Variants in PTPRF observed in about 807,000 individuals in gnomAD.
The protein encoded by PTPRF is protein tyrosine phosphatase receptor type F, also known as receptor-type tyrosine-protein phosphatase F.
A neutral mutation model predicts 201.8 loss-of-function variants in PTPRF; 59 were observed. The ratio of observed to expected loss-of-function variants is 0.29; its 90% CI spans 0.24 to 0.36. The LOEUF (loss-of-function observed/expected upper bound fraction) is 0.36, where lower values mean the gene tolerates loss of function less well. PTPRF is among the 10% of genes least tolerant of loss of function. The pLI, the probability that PTPRF is intolerant of heterozygous loss-of-function variation, is 1.00. For synonymous variants in PTPRF, 1,088 were observed against 1,089.7 expected (o/e 1.00, Z 0.03); for missense variants, 2,132 against 2,690.5 (o/e 0.79, Z 4.59).
intron 5 of PTPRF, among the ~76,000 whole-genome samples, chr1:43,567,551 C>G (rs1033836598): frequency 2.0e-5 from 3 of 152,308 alleles, no homozygotes; most frequent in African/African-American, 7.2e-5. Context: ...GACCTCTGCT[C>G]CTCATGGGCC....
chr1:43,566,374 A>G (rs1570039257), intron 5 of PTPRF, among the ~76,000 whole-genome samples: 1 of 152,230 alleles, frequency 6.6e-6, no homozygotes, highest in Admixed American at 6.5e-5. Flanking sequence ...CCTGGAACCT[A>G]GTAAATGCTT....
Position 43,578,867 on chromosome 1 carries a change from C to T in PTPRF, c.626C>T (p.Ala209Val), listed in dbSNP as rs757899600. The T allele has an allele frequency of 4.3e-6, 7 of 1,614,068 alleles. No homozygotes were observed. Among genetic ancestry groups the T allele is most frequent in the Middle Eastern group, 1.6e-4 (1 of 6,080 alleles). Residue 209 changes from alanine (A) to valine (V), a missense_variant, in exon 7 of 34, where the codon GCG becomes GTG. Coordinates refer to ENST00000359947, the MANE Select transcript of PTPRF (RefSeq NM_002840.5). ...GACCAAGGCAAGTACGAGTGTGTGG[C>T]GACCAACTCGGCAGGCACACGTTAC... ...ESDQGKYECV[A>V]TNSAGTRYSA... is the part of the protein sequence containing the mutation.
Position 43,620,884 on chromosome 1 carries a change from C to G in PTPRF, c.5411C>G (p.Pro1804Arg). 1 of 1,614,156 alleles carries G rather than the reference C, an allele frequency of 6.2e-7. No homozygotes were observed. The highest frequency in any genetic ancestry group is 8.5e-7 in the Non-Finnish European group (1 of 1,179,984). ...CGGCAGTTCCAGTTCACAGACTGGCCAGAGCAGGGCGTGCCCAAGACAGGC... is the reference window on the plus strand; with the variant it reads ...CGGCAGTTCCAGTTCACAGACTGGCGAGAGCAGGGCGTGCCCAAGACAGGC... ...TIRQFQFTDWPEQGVPKTGEG... is the reference protein window; with the variant it reads ...TIRQFQFTDWREQGVPKTGEG... The change falls in exon 32 of 34, where the codon CCA (proline) becomes CGA (arginine). Residue 1804 changes from proline (P) to arginine (R), a missense_variant. Coordinates refer to ENST00000359947, the MANE Select transcript of PTPRF (RefSeq NM_002840.5).
rs181280083 is a variant in PTPRF, at chr1:43,544,580, G to A, written c.-45-451G>A. On this transcript the variant is annotated intron_variant, in intron 2 of 33. Coordinates refer to ENST00000359947, the MANE Select transcript of PTPRF (RefSeq NM_002840.5). ...ACCAGGGAGACTCCAGAGTCAGTTG[G>A]CTTTGCCCCTCACTGCTCCTTGTCA... Among the ~76,000 whole-genome samples the A allele has an allele frequency of 8.5e-5, 13 of 152,322 alleles. No homozygotes were observed. The East Asian group carries it at 9.6e-4, about 11-fold the overall frequency.
Position 43,598,044 on chromosome 1 carries a change from G to A in PTPRF, c.2110G>A (p.Asp704Asn), listed in dbSNP as rs766035780. Residue 704 changes from aspartate to asparagine, a missense_variant, in exon 12 of 34, where the codon GAT becomes AAT. This residue lies in a region of PTPRF where 125 missense variants were observed against 211.9 expected (regional missense o/e 0.59). Coordinates refer to ENST00000359947, the MANE Select transcript of PTPRF (RefSeq NM_002840.5). The part of the protein sequence containing the change: ...PESSPVLVRT[D>N]EDVPSGPPRK... ...GAGCAGCCCGGTGCTGGTGCGCACC[G>A]ATGAGGACGGTAGGCAGTGCCACCG... is the stretch of plus-strand genomic sequence containing the variant. The A allele has an allele frequency of 1.3e-6, 2 of 1,487,956 alleles. No homozygotes were observed. The highest frequency in any genetic ancestry group is 1.8e-6 in the Non-Finnish European group (2 of 1,110,676). The allele number at this position is 1,487,956 out of a possible 1,614,324, so 92.2% of individuals were successfully genotyped here.
intron 3 of PTPRF, among the ~76,000 whole-genome samples, chr1:43,552,447 TAAAG>T (rs975802484): frequency 5.9e-5 from 9 of 152,314 alleles, no homozygotes; most frequent in African/African-American, 1.7e-4. Flanking sequence ...GGACTAAAGA[TAAAG>T]AACCTGGTGC....
Position 43,553,960 on chromosome 1 carries a change from T to C in PTPRF, c.379+19T>C, listed in dbSNP as rs1286366652. ...CTCGAAGGTACGTGCTAGGGAGACG[T>C]GGCACGGTGGGCTGCCGGGCTGAGG... On this transcript the variant is annotated intron_variant, in intron 5 of 33. Coordinates refer to ENST00000359947, the MANE Select transcript of PTPRF (RefSeq NM_002840.5). The surrounding 1 kb of genome is among the most constrained non-coding windows in gnomAD (Gnocchi z 4.1). The C allele has an allele frequency of 6.2e-7, 1 of 1,612,552 alleles. No homozygotes were observed. The highest frequency in any genetic ancestry group is 1.3e-5 in the African/African-American group (1 of 75,016).
intron 22 of PTPRF, chr1:43,612,664 C>A: frequency 9.2e-7 from 1 of 1,084,374 alleles, no homozygotes; most frequent in Non-Finnish European, 1.3e-6. Context: ...GCCCGCTCGG[C>A]ACCTCCACTG....
At chr1:43,611,273 C>A in intron 22 of PTPRF, among the ~76,000 whole-genome samples, 1 of 151,096 alleles carries the variant, frequency 6.6e-6, no homozygotes, top group East Asian at 1.9e-4. Flanking sequence ...GAATCAAGCA[C>A]CAGGATGCTG....
intron 1 of PTPRF, 65 bp from the exon 2 acceptor site, chr1:43,538,133 G>T (rs1341594184): frequency 5.0e-6 from 2 of 398,294 alleles, no homozygotes; most frequent in Non-Finnish European, 8.8e-6. Flanking sequence ...ATGTCTTTCT[G>T]TGTCAATACA....
At chr1:43,575,970 A>G (rs1298264711) in intron 6 of PTPRF, 1 of 1,361,634 alleles carries the variant, frequency 7.3e-7, no homozygotes, top group Admixed American at 1.9e-5. Context: ...ACGCCTTGCC[A>G]CTGCCGTCAC....
At chr1:43,532,219 C>T (rs1553165286) in intron 1 of PTPRF, among the ~76,000 whole-genome samples, 1 of 152,220 alleles carries the variant, frequency 6.6e-6, no homozygotes, top group Non-Finnish European at 1.5e-5. Flanking sequence ...CCCTCTGGTT[C>T]TTCCACCCCG....
rs77543816 is a variant in PTPRF, at chr1:43,573,977, C to CTTTTTTTTTT, written c.568+4226_568+4235dup. The stretch of plus-strand genomic sequence containing the variant: ...CAAAGAGGGTTTGCTTGTGTGGGTT[C>CTTTTTTTTTT]TTTTTTTTTTTTTTTTTTTTTTTTT... On this transcript the variant is annotated intron_variant, in intron 6 of 33. Coordinates refer to ENST00000359947, the MANE Select transcript of PTPRF (RefSeq NM_002840.5). Among the ~76,000 whole-genome samples the CTTTTTTTTTT allele has an allele frequency of 4.9e-4, 31 of 63,916 alleles. 5 individuals carry two copies. Among genetic ancestry groups the CTTTTTTTTTT allele is most frequent in the East Asian group, 1.3e-3 (2 of 1,520 alleles). The allele number at this position is 63,916 out of a possible 152,430, so 41.9% of individuals were successfully genotyped here.
In PTPRF at chr1:43,620,355, A is replaced by G. The variant is rs1293430670; in HGVS notation, c.5239-99A>G. On this transcript the variant is annotated intron_variant, in intron 30 of 33. Coordinates refer to ENST00000359947, the MANE Select transcript of PTPRF (RefSeq NM_002840.5). The stretch of plus-strand genomic sequence containing the variant: ...GTCAGCATGGCCTCAGGCGCCCGTT[A>G]TTACTACCTGAGGCATCTGTCCCAG... The G allele has an allele frequency of 5.9e-6, 9 of 1,522,196 alleles. No individual in the cohort carries two copies. The Admixed American group carries it at 9.3e-5, about 16-fold the overall frequency. 94.3% of individuals were successfully genotyped at this position (1,522,196 alleles called of 1,614,324 possible).
Position 43,603,320 on chromosome 1 carries a change from C to T in PTPRF, c.2341-96C>T, listed in dbSNP as rs181490087. The T allele has an allele frequency of 3.7e-4, 404 of 1,105,076 alleles. 4 individuals are homozygous for T. The Admixed American group carries it at 6.7e-3, about 18-fold the overall frequency. 68.5% of individuals were successfully genotyped at this position (1,105,076 alleles called of 1,614,324 possible). ...CCACAACCCCTGGCCTTGTGTGCCC[C>T]GGGGCTCCCCTCAGGCTAGGGTCCT... On this transcript the variant is annotated intron_variant, in intron 14 of 33. Coordinates refer to ENST00000359947, the MANE Select transcript of PTPRF (RefSeq NM_002840.5). The surrounding 1 kb of genome is among the most constrained non-coding windows in gnomAD (Gnocchi z 5.8).
chr1:43,601,915 C>T (rs1557822771), intron 13 of PTPRF, among the ~76,000 whole-genome samples, 156 bp from the exon 14 acceptor site: 3 of 152,204 alleles, frequency 2.0e-5, no homozygotes, highest in South Asian at 4.1e-4. Flanking sequence ...AATCTTTGAA[C>T]CGGGAGTTGT....
chr1:43,563,859 C>T (rs369183984), intron 5 of PTPRF, among the ~76,000 whole-genome samples: 39 of 152,134 alleles, frequency 2.6e-4, no homozygotes, highest in African/African-American at 9.2e-4. Flanking sequence ...AGTGTGGGCC[C>T]GAGTCTGGAA....
intron 14 of PTPRF, 61 bp downstream of exon 14, chr1:43,602,158 C>G: frequency 7.8e-6 from 12 of 1,536,238 alleles, no homozygotes; most frequent in Non-Finnish European, 9.9e-6. Context: ...GTGGGACGCT[C>G]CTCCTCTCCC....
intron 2 of PTPRF, among the ~76,000 whole-genome samples, 174 bp downstream of exon 2, chr1:43,538,451 G>A (rs1316061146): frequency 6.6e-6 from 1 of 152,202 alleles, no homozygotes; most frequent in Non-Finnish European, 1.5e-5. Flanking sequence ...CTGGACCAGG[G>A]AGGCAGTGAC....
Sources: allele counts gnomAD v4.1 joint callset (sites outside exome capture counted in the v4.1 genomes callset), GRCh38; gene constraint gnomAD v4.1.1; regional missense constraint gnomAD v4.1.1; non-coding constraint Gnocchi (gnomAD v3.1); transcripts MANE v1.5; gene names NCBI Gene and HGNC (gene_info 2026-07-23, HGNC 2026-07-21).